TRIM2: variants seen among roughly 807,000 people sequenced by gnomAD.
TRIM2 encodes the protein tripartite motif-containing protein 2.
In TRIM2, 20 loss-of-function variants were observed where a neutral mutation model predicts 75.2. That is an observed-to-expected ratio of 0.27 (90% confidence interval 0.19 to 0.39). The LOEUF is 0.39. Among genes scored for constraint, TRIM2 ranks in the 10% least tolerant of loss-of-function variants. The probability of loss-of-function intolerance (pLI) is 1.00; values close to 1 mark genes in which losing one functional copy is unlikely to be tolerated. For synonymous variants in TRIM2, 373 were observed against 388.3 expected, an observed-to-expected ratio of 0.96 and a Z score of 0.46; for missense variants, 660 against 990.8, an observed-to-expected ratio of 0.67 and a Z score of 4.48.
intron 6 of TRIM2, among the ~76,000 whole-genome samples, chr4:153,306,336 A>G (rs1764993528): frequency 6.6e-6 from 1 of 152,236 alleles, no homozygotes; most frequent in African/African-American, 2.4e-5. Flanking sequence ...TAAGGACTCA[A>G]TAAATATTGA....
intron 1 of TRIM2, among the ~76,000 whole-genome samples, chr4:153,254,021 T>C (rs1469414262): frequency 6.6e-6 from 1 of 152,142 alleles, no homozygotes; most frequent in Non-Finnish European, 1.5e-5. Context: ...CCAAGAACCC[T>C]CTCTTGGGGT....
intron 1 of TRIM2, among the ~76,000 whole-genome samples, chr4:153,187,264 A>G (rs946620085): frequency 1.3e-5 from 2 of 152,204 alleles, no homozygotes; most frequent in South Asian, 2.1e-4. Context: ...GTAGATGCCC[A>G]TTACTCTCAT....
At chr4:153,188,948 A>G (rs1353903116) in intron 1 of TRIM2, among the ~76,000 whole-genome samples, 1 of 150,744 alleles carries the variant, frequency 6.6e-6, no homozygotes, top group Non-Finnish European at 1.5e-5. Context: ...CACTCCCCAT[A>G]CTCCCTTCAT....
At chr4:153,247,676 T>TAAAAA (rs1749585060) in intron 1 of TRIM2, among the ~76,000 whole-genome samples, 1 of 31,256 alleles carries the variant, frequency 3.2e-5, no homozygotes, top group Non-Finnish European at 5.5e-5. Context: ...AGACTCTGTC[T>TAAAAA]CAAAAAAAAA....
chr4:153,262,927 G>C (rs186616564), intron 1 of TRIM2, among the ~76,000 whole-genome samples: 1 of 152,268 alleles, frequency 6.6e-6, no homozygotes, highest in African/African-American at 2.4e-5. Context: ...TTGTGAAGGC[G>C]CTTTCATGTA....
chr4:153,216,205 C>T (rs77160172), intron 1 of TRIM2, among the ~76,000 whole-genome samples: 49 of 152,134 alleles, frequency 3.2e-4, no homozygotes, highest in African/African-American at 1.1e-3. Flanking sequence ...AGTAAGCATC[C>T]CTGGAGACTA....
intron 1 of TRIM2, among the ~76,000 whole-genome samples, chr4:153,215,361 A>T (rs140055708): frequency 6.6e-6 from 1 of 152,156 alleles, no homozygotes; most frequent in East Asian, 1.9e-4. Context: ...GCACCCTGGG[A>T]TCACTGTTCA....
intron 1 of TRIM2, among the ~76,000 whole-genome samples, chr4:153,232,935 G>C (rs912389531): frequency 7.9e-5 from 12 of 152,172 alleles, no homozygotes; most frequent in Non-Finnish European, 1.6e-4. Flanking sequence ...CTGAATTGGA[G>C]GTGGTGACAG....
At chr4:153,231,321 G>A (rs978580728) in intron 1 of TRIM2, among the ~76,000 whole-genome samples, 1 of 152,170 alleles carries the variant, frequency 6.6e-6, no homozygotes, top group Non-Finnish European at 1.5e-5. Context: ...CAGACATTAA[G>A]TACAATGATG....
chr4:153,334,633 G>A (rs1435571905), intron 11 of TRIM2, among the ~76,000 whole-genome samples, 181 bp from the exon 12 acceptor site: 2 of 152,106 alleles, frequency 1.3e-5, no homozygotes, highest in African/African-American at 2.4e-5. Context: ...TTGAGCCTAC[G>A]AATTAAAGGT....
intron 11 of TRIM2, among the ~76,000 whole-genome samples, chr4:153,334,037 ACATT>A (rs66584729): frequency 0.021 from 3,175 of 151,988 alleles, 55 homozygotes; most frequent in Non-Finnish European, 0.033. Flanking sequence ...TGACTCAGGA[ACATT>A]CTTCCATCAT....
In TRIM2 at chr4:153,322,831, A is replaced by G. The variant is rs1256339508; in HGVS notation, c.1951+15A>G. 5 of 1,614,002 alleles carry G rather than the reference A, an allele frequency of 3.1e-6. No homozygotes were observed. The highest frequency in any genetic ancestry group is 4.2e-6 in the Non-Finnish European group (5 of 1,179,974). ...GCAGTTTGCAGGTACACTCGATGGT[A>G]ATATGTAAACCCCCTTTTTTATGCT... is the stretch of plus-strand genomic sequence containing the variant. On this transcript the variant is annotated intron_variant, in intron 9 of 11. Coordinates refer to ENST00000338700, the MANE Select transcript of TRIM2 (RefSeq NM_015271.5).
chr4:153,298,650 T>G (rs1763234881), intron 6 of TRIM2, among the ~76,000 whole-genome samples: 1 of 152,182 alleles, frequency 6.6e-6, no homozygotes, highest in Admixed American at 6.5e-5. Context: ...GGCTAACATA[T>G]GCATTACCTC....
intron 6 of TRIM2, among the ~76,000 whole-genome samples, chr4:153,314,406 C>G (rs1049564635): frequency 1.8e-5 from 2 of 110,220 alleles, no homozygotes; most frequent in Non-Finnish European, 3.3e-5. Context: ...GGCGACAGAG[C>G]GAGACTCCGT....
intron 1 of TRIM2, among the ~76,000 whole-genome samples, chr4:153,230,866 G>A (rs781166738): frequency 2.6e-5 from 4 of 152,152 alleles, no homozygotes; most frequent in Admixed American, 6.5e-5. Flanking sequence ...AGCTCACTTG[G>A]AACTGAGATC....
At chr4:153,305,276 G>A (rs957936993) in intron 6 of TRIM2, among the ~76,000 whole-genome samples, 2 of 152,120 alleles carry the variant, frequency 1.3e-5, no homozygotes, top group Non-Finnish European at 2.9e-5. Flanking sequence ...AAGTTACAAA[G>A]TTTCCTTTGT....
At chr4:153,187,480 G>A (rs1732720391) in intron 1 of TRIM2, among the ~76,000 whole-genome samples, 1 of 152,234 alleles carries the variant, frequency 6.6e-6, no homozygotes, top group South Asian at 2.1e-4. Context: ...GAGAGATCAA[G>A]AGGAATACTG....
At chr4:153,267,487 C>CA (rs1755513741) in intron 1 of TRIM2, among the ~76,000 whole-genome samples, 1 of 101,274 alleles carries the variant, frequency 9.9e-6, no homozygotes, top group South Asian at 2.9e-4. Context: ...CCCATCTCTA[C>CA]TAAAAATACA....
At chr4:153,152,868 C>T (rs1480505455), upstream of TRIM2, among the ~76,000 whole-genome samples, 2 of 152,208 alleles carry the variant, frequency 1.3e-5, no homozygotes, top group African/African-American at 4.8e-5. Flanking sequence ...GGAAAAGGAT[C>T]CGATTTCTGC....
Sources: gnomAD v4.1 joint callset for allele counts (sites outside exome capture counted in the v4.1 genomes callset) on GRCh38, gnomAD v4.1.1 for gene constraint, MANE v1.5 for transcripts, NCBI Gene and HGNC (gene_info 2026-07-23, HGNC 2026-07-21) for gene names.